Variants in RORA observed in about 807,000 individuals in gnomAD.
RORA encodes RAR related orphan receptor A.
RORA carries 7 observed loss-of-function variants against 69.5 expected under a neutral mutation model. That is an observed-to-expected ratio of 0.10 (90% CI 0.06 to 0.19). The LOEUF is 0.19. Ranked by LOEUF, RORA falls within the 10% of genes least tolerant of loss-of-function variation. The pLI, the probability that RORA is intolerant of heterozygous loss-of-function variation, is 1.00. For missense variants in RORA, 457 were observed against 663.0 expected, an observed-to-expected ratio of 0.69 and a Z score of 3.41; for synonymous variants, 261 against 240.8, an observed-to-expected ratio of 1.08 and a Z score of -0.78.
At chr15:61,174,156 T>C (rs1164157891) in intron 1 of RORA, among the ~76,000 whole-genome samples, 2 of 152,232 alleles carry the variant, frequency 1.3e-5, no homozygotes. Context: ...TTCTCCAGCC[T>C]GAAATGTATG....
intron 1 of RORA, among the ~76,000 whole-genome samples, chr15:61,142,319 T>A (rs2140864066): frequency 6.6e-6 from 1 of 152,282 alleles, no homozygotes; most frequent in South Asian, 2.1e-4. Context: ...AGCCCCTTCA[T>A]CTTCCTTTTC....
intron 1 of RORA, among the ~76,000 whole-genome samples, chr15:60,966,962 C>T (rs750041594): frequency 1.8e-4 from 27 of 152,262 alleles, no homozygotes; most frequent in Middle Eastern, 3.4e-3. Context: ...TTAGGATATT[C>T]CACTCTTCTG....
chr15:60,744,153 G>A (rs116848070), intron 1 of RORA, among the ~76,000 whole-genome samples: 1,550 of 152,052 alleles, frequency 0.01, 16 homozygotes, highest in Non-Finnish European at 0.015. Context: ...GAATTTTGAG[G>A]AGATAGATAG....
At chr15:60,949,133 A>T (rs1356516306) in intron 1 of RORA, among the ~76,000 whole-genome samples, 1 of 152,172 alleles carries the variant, frequency 6.6e-6, no homozygotes, top group Non-Finnish European at 1.5e-5. Context: ...AGCACCTAGC[A>T]TGCACCAGGC....
chr15:61,224,341 T>C (rs1393284701), intron 1 of RORA, among the ~76,000 whole-genome samples: 2 of 152,186 alleles, frequency 1.3e-5, no homozygotes, highest in Non-Finnish European at 2.9e-5. Context: ...TTTTTTATTA[T>C]TTGTTTTTGC....
chr15:61,012,102 T>C (rs1349382011), intron 1 of RORA, among the ~76,000 whole-genome samples: 1 of 152,254 alleles, frequency 6.6e-6, no homozygotes, highest in East Asian at 1.9e-4. Context: ...GATTTTGATG[T>C]GCCCTCTCTC....
intron 1 of RORA, among the ~76,000 whole-genome samples, chr15:60,854,510 T>C (rs1391077604): frequency 6.6e-6 from 1 of 152,176 alleles, no homozygotes; most frequent in Non-Finnish European, 1.5e-5. Context: ...TGCAGAACTA[T>C]TTCGTTGGGT....
At chr15:60,887,985 C>T (rs1219574486) in intron 1 of RORA, among the ~76,000 whole-genome samples, 1 of 152,202 alleles carries the variant, frequency 6.6e-6, no homozygotes, top group Admixed American at 6.5e-5. Flanking sequence ...ATTAGCCCGA[C>T]TTAGCCAATA....
At chr15:61,051,474 C>T (rs1897287204) in intron 1 of RORA, among the ~76,000 whole-genome samples, 2 of 152,202 alleles carry the variant, frequency 1.3e-5, no homozygotes, top group African/African-American at 4.8e-5. Context: ...CATAGCTTCT[C>T]TTTCTCCTAG....
intron 1 of RORA, among the ~76,000 whole-genome samples, chr15:60,934,016 C>CT (rs1892446676): frequency 6.6e-6 from 1 of 152,224 alleles, no homozygotes; most frequent in East Asian, 1.9e-4. Flanking sequence ...TAAAGAAACA[C>CT]CTACTTAGCA....
At chr15:61,056,338 T>C (rs73428828) in intron 1 of RORA, among the ~76,000 whole-genome samples, 418 of 152,322 alleles carry the variant, frequency 2.7e-3, no homozygotes, top group African/African-American at 9.4e-3. Flanking sequence ...AAGCATCTTG[T>C]CCAAAGGCAG....
chr15:60,505,806 G>A (rs560355479), intron 5 of RORA, among the ~76,000 whole-genome samples, 177 bp from the exon 6 acceptor site: 12 of 152,292 alleles, frequency 7.9e-5, no homozygotes, highest in Non-Finnish European at 1.5e-4. Context: ...ACGTGAAGGA[G>A]GACAGGGACT....
chr15:60,591,476 G>A (rs981256678), intron 2 of RORA, among the ~76,000 whole-genome samples: 3 of 152,188 alleles, frequency 2.0e-5, no homozygotes, highest in African/African-American at 7.2e-5. Flanking sequence ...CACCTGAGAG[G>A]ACCTAGAGCC....
At chr15:60,830,143 T>C (rs993385307) in intron 1 of RORA, among the ~76,000 whole-genome samples, 5 of 152,242 alleles carry the variant, frequency 3.3e-5, no homozygotes, top group Non-Finnish European at 5.9e-5. Context: ...ATTTTTTAAA[T>C]AGTAGTTTTG....
rs529416980 is a variant in RORA, at chr15:61,212,125, G to A, written c.166+16928C>T. Among the ~76,000 whole-genome samples, 13 of 152,188 alleles carry A rather than the reference G, an allele frequency of 8.5e-5. No individual in the cohort carries two copies. In the South Asian group the frequency reaches 1.5e-3, roughly 17 times the overall value. On this transcript the variant is annotated intron_variant, in intron 1 of 10. Transcript: ENST00000335670. ...GAAGTCTTCCTCCCAGGGCAATAAGGAGACCTATCCACAGCTACTATTCAT... is the reference window on the plus strand; with the variant it reads ...GAAGTCTTCCTCCCAGGGCAATAAGAAGACCTATCCACAGCTACTATTCAT...
At position 60,882,811 on chromosome 15, in the gene RORA, T is replaced by G. The variant is rs140602664; in HGVS notation, c.167-204125A>C. On this transcript the variant is annotated intron_variant, in intron 1 of 10. Coordinates refer to ENST00000335670, the MANE Select transcript of RORA (RefSeq NM_134261.3). ...TTTGGTTTGTTACTTTTGTTTTGCT[T>G]TACAATAAGTACTTACTGATTTTAT... Among the ~76,000 whole-genome samples, 682 of 152,306 alleles carry G rather than the reference T, an allele frequency of 4.5e-3. 9 individuals carry two copies. Among genetic ancestry groups the G allele is most frequent in the African/African-American group, 0.016 (659 of 41,576 alleles).
intron 1 of RORA, among the ~76,000 whole-genome samples, chr15:60,893,532 AAGC>A (rs1488471211): frequency 6.6e-6 from 1 of 152,216 alleles, no homozygotes; most frequent in Non-Finnish European, 1.5e-5. Flanking sequence ...CAAGAAATCA[AAGC>A]AGCCGATATG....
intron 2 of RORA, among the ~76,000 whole-genome samples, chr15:60,669,339 TTTTGTTTG>T (rs200982896): frequency 0.012 from 1,628 of 140,928 alleles, 34 homozygotes; most frequent in African/African-American, 0.037. Context: ...ATAAGCGTTT[TTTTGTTTG>T]TTTGTTTGTT....
chr15:61,039,744 CAAAAAAA>C (rs5813062), intron 1 of RORA, among the ~76,000 whole-genome samples: 2 of 82,654 alleles, frequency 2.4e-5, no homozygotes, highest in Non-Finnish European at 4.9e-5. Context: ...GACTCTGTCT[CAAAAAAA>C]AAAAAAAAAA....
Sources: gnomAD v4.1 joint callset for allele counts (sites outside exome capture counted in the v4.1 genomes callset) on GRCh38, gnomAD v4.1.1 for gene constraint, MANE v1.5 for transcripts, NCBI Gene and HGNC (gene_info 2026-07-23, HGNC 2026-07-21) for gene names.